The following GSE1 variants were observed in gnomAD, a reference collection of about 807,000 sequenced individuals.
GSE1 encodes Gse1 coiled-coil protein, also known as genetic suppressor element 1.
Under a neutral mutation model 112.6 loss-of-function variants are expected in GSE1, and 32 were observed. The ratio of observed to expected loss-of-function variants is 0.28; its 90% CI spans 0.21 to 0.38. The LOEUF (loss-of-function observed/expected upper bound fraction) is 0.38. GSE1 is among the 10% of genes least tolerant of loss of function. GSE1 has a pLI of 1.00. For missense variants in GSE1, 2,348 were observed against 1,699.2 expected (o/e 1.38, Z -6.71); for synonymous variants, 1,115 against 735.6 (o/e 1.52, Z -8.35).
chr16:85,474,691 C>T, intron 2 of GSE1, among the ~76,000 whole-genome samples: 1 of 145,960 alleles, frequency 6.9e-6, no homozygotes, highest in South Asian at 2.3e-4. Context: ...TTCCTCTTTC[C>T]CTGTGCCCCT....
chr16:85,490,281 T>C (rs1366029166), intron 2 of GSE1: 1 of 152,252 alleles, frequency 6.6e-6, no homozygotes, highest in African/African-American at 2.4e-5. Flanking sequence ...GGTGCTCATG[T>C]GGGCAGGTGG....
intron 1 of GSE1, among the ~76,000 whole-genome samples, chr16:85,230,428 C>T (rs2143830160): frequency 6.6e-6 from 1 of 152,282 alleles, no homozygotes; most frequent in Admixed American, 6.5e-5. Context: ...CCAACTCAGA[C>T]TCACTCAAGC....
At position 85,340,555 on chromosome 16, in the gene GSE1, C is replaced by T. The variant is rs568164567; in HGVS notation, c.2284-16908C>T. Among the ~76,000 whole-genome samples, 17 of 152,228 alleles carry T rather than the reference C, an allele frequency of 1.1e-4. No homozygotes were observed. The South Asian group carries it at 3.5e-3, about 32-fold the overall frequency. ...ACTCGGGAGGCTGAGGCAGGAGAAT[C>T]GCTTGAACCCGGGAGGAAGAGGTTG... On this transcript the variant is annotated intron_variant, in intron 1 of 2. Coordinates refer to the GSE1 transcript ENST00000637419.
At chr16:85,634,922 C>T (rs1312511115) in intron 2 of GSE1, among the ~76,000 whole-genome samples, 6 of 152,020 alleles carry the variant, frequency 3.9e-5, no homozygotes, top group South Asian at 2.1e-4. Flanking sequence ...ATTCTGGCCT[C>T]GGACACCCTC....
chr16:85,464,526 C>T (rs1234813938), intron 2 of GSE1, among the ~76,000 whole-genome samples: 1 of 152,238 alleles, frequency 6.6e-6, no homozygotes, highest in Non-Finnish European at 1.5e-5. Context: ...GACGGCCTCA[C>T]CAGCTGTGTG....
At chr16:85,670,120 C>T (rs941975132) in intron 14 of GSE1, among the ~76,000 whole-genome samples, 2 of 152,182 alleles carry the variant, frequency 1.3e-5, no homozygotes, top group African/African-American at 4.8e-5. Flanking sequence ...GAAGTTTTGA[C>T]TAGATTTAGT....
chr16:85,404,295 A>AG (rs1414516003), intron 2 of GSE1, among the ~76,000 whole-genome samples: 1 of 53,388 alleles, frequency 1.9e-5, no homozygotes. Context: ...TGTTACACTC[A>AG]GGCCCCCCGG....
intron 1 of GSE1, among the ~76,000 whole-genome samples, chr16:85,182,399 T>C (rs2074606942): frequency 6.6e-6 from 1 of 152,152 alleles, no homozygotes; most frequent in Admixed American, 6.5e-5. Context: ...GTGAGCCCCA[T>C]GGTGAAAGGC....
At chr16:85,646,591 G>A (rs1474296886) in intron 2 of GSE1, among the ~76,000 whole-genome samples, 1 of 152,210 alleles carries the variant, frequency 6.6e-6, no homozygotes, top group Non-Finnish European at 1.5e-5. Context: ...TCTTGGGGGC[G>A]GAGATCTGCC....
At position 85,661,272 on chromosome 16, in the gene GSE1, C is replaced by T. The variant is rs1196892358; in HGVS notation, c.1767C>T (p.Ser589=). The change falls in exon 9 of 16, where the codon TCC becomes TCT. Residue 589 remains serine, a synonymous_variant. Coordinates refer to ENST00000253458, the MANE Select transcript of GSE1 (RefSeq NM_014615.5). Reference sequence around the variant, plus strand: ...CCACGGCCCTCTGGAACCCCGTGTCCCTGATGGACAACACCTTGGAGACGC... The same window carrying T: ...CCACGGCCCTCTGGAACCCCGTGTCTCTGATGGACAACACCTTGGAGACGC... The part of the protein sequence containing the change: ...AAPTALWNPV[S]LMDNTLETRR... The T allele has an allele frequency of 1.2e-6, 2 of 1,612,834 alleles. No homozygotes were observed. Among genetic ancestry groups the T allele is most frequent in the Admixed American group, 1.7e-5 (1 of 60,008 alleles).
chr16:85,480,249 C>T lies in GSE1; in HGVS notation c.2464+122606C>T, dbSNP rs148990660. On this transcript the variant is annotated intron_variant, in intron 2 of 2. Coordinates refer to the GSE1 transcript ENST00000637419. ...CTACAGCGTGACCCTGACATTGTAC[C>T]ACTTGCATGAGAGGCAGTGTTTCGA... Among the ~76,000 whole-genome samples, 515 of 152,368 alleles carry T rather than the reference C, an allele frequency of 3.4e-3. 7 individuals carry two copies. The highest frequency in any genetic ancestry group is 0.012 in the African/African-American group (490 of 41,580).
At chr16:85,586,349 T>A (rs1162975841) in intron 1 of GSE1, among the ~76,000 whole-genome samples, 1 of 152,238 alleles carries the variant, frequency 6.6e-6, no homozygotes, top group Non-Finnish European at 1.5e-5. Flanking sequence ...GGCGGAGCCC[T>A]GGCCTGGATG....
At chr16:85,613,671 G>T (rs2048155341) in intron 1 of GSE1, among the ~76,000 whole-genome samples, 1 of 150,978 alleles carries the variant, frequency 6.6e-6, no homozygotes, top group Non-Finnish European at 1.5e-5. Context: ...GATGGGGGGG[G>T]TGCGTTTAAG....
At chr16:85,187,962 C>T (rs867298485) in intron 1 of GSE1, among the ~76,000 whole-genome samples, 6 of 152,360 alleles carry the variant, frequency 3.9e-5, no homozygotes, top group South Asian at 2.1e-4. Flanking sequence ...CCCACCTGGA[C>T]CACCCTGGCC....
chr16:85,311,195 C>T lies in GSE1; in HGVS notation c.2284-46268C>T, dbSNP rs2045834538. ...GGATGCCCCTGGTTCCCAGGGTGCC[C>T]CCAGCAGAAGAGCTGAGACTTGAAT... is the stretch of plus-strand genomic sequence containing the variant. On this transcript the variant is annotated intron_variant, in intron 1 of 2. Coordinates refer to the GSE1 transcript ENST00000637419. This position sits in a 1 kb window ranked among gnomAD's most constrained non-coding sequence, Gnocchi z 4.2. Among the ~76,000 whole-genome samples, 1 of 152,116 alleles carries T rather than the reference C, an allele frequency of 6.6e-6. No individual in the cohort carries two copies. The highest frequency in any genetic ancestry group is 1.5e-5 in the Non-Finnish European group (1 of 68,008).
At chr16:85,605,179 G>A (rs1020803689) in intron 1 of GSE1, among the ~76,000 whole-genome samples, 7 of 151,764 alleles carry the variant, frequency 4.6e-5, no homozygotes, top group African/African-American at 1.7e-4. Flanking sequence ...GGCCCCACCC[G>A]CTGTCCTGCT....
At chr16:85,597,416 CAGAG>C (rs905127243) in intron 1 of GSE1, among the ~76,000 whole-genome samples, 1 of 147,910 alleles carries the variant, frequency 6.8e-6, no homozygotes, top group Non-Finnish European at 1.5e-5. Context: ...AAAGTTCTGT[CAGAG>C]AGCAGTATTC....
intron 2 of GSE1, among the ~76,000 whole-genome samples, chr16:85,402,577 G>A (rs2048140861): frequency 6.6e-6 from 1 of 152,224 alleles, no homozygotes; most frequent in Non-Finnish European, 1.5e-5. Context: ...TTTGAAGAGA[G>A]CTTGTCGGGA....
intron 1 of GSE1, among the ~76,000 whole-genome samples, chr16:85,229,489 C>A (rs1008153438): frequency 6.6e-6 from 1 of 152,266 alleles, no homozygotes; most frequent in South Asian, 2.1e-4. Flanking sequence ...GTCTCTTGGA[C>A]ACTGTCTATG....
Sources: allele counts gnomAD v4.1 joint callset (sites outside exome capture counted in the v4.1 genomes callset), GRCh38; gene constraint gnomAD v4.1.1; non-coding constraint Gnocchi (gnomAD v3.1); transcripts MANE v1.5; gene names NCBI Gene and HGNC (gene_info 2026-07-23, HGNC 2026-07-21).